The following IL12RB2 variants were observed in gnomAD, a reference collection of about 807,000 sequenced individuals.
IL12RB2 encodes interleukin-12 receptor subunit beta-2.
A neutral mutation model predicts 89.4 loss-of-function variants in IL12RB2; 82 were observed. That is an observed-to-expected ratio of 0.92 (90% CI 0.77 to 1.10). The LOEUF (loss-of-function observed/expected upper bound fraction) is 1.10. Among genes scored for constraint, IL12RB2 ranks in the 50% least tolerant of loss-of-function variants. The pLI is 0.00. For synonymous variants in IL12RB2, 368 were observed against 370.1 expected, an observed-to-expected ratio of 0.99 and a Z score of 0.07; for missense variants, 963 against 1,031.9, an observed-to-expected ratio of 0.93 and a Z score of 0.92.
chr1:67,368,541 A>G (rs1294916598), intron 11 of IL12RB2, among the ~76,000 whole-genome samples: 4 of 152,254 alleles, frequency 2.6e-5, no homozygotes, highest in Non-Finnish European at 5.9e-5. Context: ...TATCTATAAG[A>G]CAATTGGTAT....
intron 11 of IL12RB2, among the ~76,000 whole-genome samples, chr1:67,370,875 G>A (rs1570105936): frequency 6.6e-6 from 1 of 152,170 alleles, no homozygotes; most frequent in African/African-American, 2.4e-5. Context: ...TCTCTCCTCC[G>A]CTAAAGGTAA....
At chr1:67,312,594 T>A (rs755826) in intron 1 of IL12RB2, among the ~76,000 whole-genome samples, 2 of 101,398 alleles carry the variant, frequency 2.0e-5, no homozygotes, top group South Asian at 3.2e-4. Context: ...AAAATGGAAA[T>A]AAAGACAAAC....
At chr1:67,368,648 G>A (rs933853684) in intron 11 of IL12RB2, among the ~76,000 whole-genome samples, 18 of 152,216 alleles carry the variant, frequency 1.2e-4, no homozygotes, top group African/African-American at 4.1e-4. Flanking sequence ...CTTAGTTAAT[G>A]TCATTGTTAA....
intron 13 of IL12RB2, among the ~76,000 whole-genome samples, chr1:67,374,361 TG>T (rs779417843): frequency 1.1e-4 from 16 of 152,222 alleles, no homozygotes; most frequent in Non-Finnish European, 2.4e-4. Context: ...AGGAATCAAT[TG>T]ATCTCTTCTT....
rs1228288259 is a variant in IL12RB2 at position 67,321,996 on chromosome 1, T to G, written c.364+107T>G. ...CCCAAATACAGGTTAATGTTCTTTC[T>G]TTTCCCACCACATTGAAGTATTTTA... On this transcript the variant is annotated intron_variant, in intron 4 of 16. Coordinates refer to ENST00000674203, the MANE Select transcript of IL12RB2 (RefSeq NM_001374259.2). The G allele has an allele frequency of 5.2e-6, 5 of 953,586 alleles. No homozygotes were observed. The East Asian group carries it at 1.2e-4, about 23-fold the overall frequency. 59.1% of individuals were successfully genotyped at this position (953,586 alleles called of 1,614,324 possible).
chr1:67,362,200 G>GGCAGAGGTTGCAGTGA (rs1662132705), intron 10 of IL12RB2, among the ~76,000 whole-genome samples: 1 of 151,358 alleles, frequency 6.6e-6, no homozygotes, highest in African/African-American at 2.4e-5. Flanking sequence ...AAACCTGGGA[G>GGCAGAGGTTGCAGTGA]GCAGAGGTTG....
intron 10 of IL12RB2, among the ~76,000 whole-genome samples, chr1:67,366,581 A>T (rs1257882824): frequency 6.6e-6 from 1 of 152,194 alleles, no homozygotes; most frequent in Non-Finnish European, 1.5e-5. Context: ...TTGGTGGAGA[A>T]ATGAGAGCCT....
At chr1:67,343,430 G>A (rs974415505) in intron 9 of IL12RB2, among the ~76,000 whole-genome samples, 2 of 152,138 alleles carry the variant, frequency 1.3e-5, no homozygotes, top group African/African-American at 4.8e-5. Context: ...AAGCCAAAAA[G>A]TACAGCCTAA....
At chr1:67,338,375 T>TAAAAAAAAAAAAA (rs1659102404) in intron 8 of IL12RB2, among the ~76,000 whole-genome samples, 1 of 61,668 alleles carries the variant, frequency 1.6e-5, no homozygotes, top group Non-Finnish European at 4.2e-5. Context: ...AAAAAAAAAG[T>TAAAAAAAAAAAAA]AAGTTAAGAA....
At chr1:67,378,937 C>T (rs186529361) in intron 13 of IL12RB2, among the ~76,000 whole-genome samples, 9 of 151,306 alleles carry the variant, frequency 5.9e-5, no homozygotes, top group Admixed American at 4.0e-4. Flanking sequence ...GGGGCTCACG[C>T]CTATAATCCC....
At chr1:67,346,239 T>C (rs1660205911) in intron 9 of IL12RB2, among the ~76,000 whole-genome samples, 1 of 152,218 alleles carries the variant, frequency 6.6e-6, no homozygotes, top group South Asian at 2.1e-4. Context: ...TTGTGAAGAT[T>C]AATGAAATCG....
Position 67,367,805 on chromosome 1 carries a change from C to G in IL12RB2, c.1259-20C>G. The G allele has an allele frequency of 7.4e-7, 1 of 1,360,296 alleles. No individual in the cohort carries two copies. Among genetic ancestry groups the G allele is most frequent in the Non-Finnish European group, 1.1e-6 (1 of 950,070 alleles). 84.3% of individuals were successfully genotyped at this position (1,360,296 alleles called of 1,614,324 possible). A position where few individuals can be genotyped will look rare whatever the true frequency, so the allele number is the denominator to read the frequency against. ...CCTCCTCTTTTTTTATTTTGTTTCTCCTCTTTCTGTCCGATAAAGGGTTGC... is the reference window on the plus strand; with the variant it reads ...CCTCCTCTTTTTTTATTTTGTTTCTGCTCTTTCTGTCCGATAAAGGGTTGC... On this transcript the variant is annotated intron_variant, in intron 10 of 16. Transcript: ENST00000674203.
At chr1:67,380,153 C>T (rs765631446) in intron 14 of IL12RB2, 30 bp downstream of exon 14, 1 of 1,611,994 alleles carries the variant, frequency 6.2e-7, no homozygotes, top group East Asian at 2.2e-5. Flanking sequence ...ATGATGAGTC[C>T]ACCCTGGATT....
chr1:67,317,333 A>AACATTTTAACAGTGACTCACAAGAAAC (rs1655907857), intron 2 of IL12RB2, among the ~76,000 whole-genome samples: 1 of 152,240 alleles, frequency 6.6e-6, no homozygotes, highest in Admixed American at 6.5e-5. Context: ...GTGCTTCTCA[A>AACATTTTAACAGTGACTCACAAGAAAC]ACATTTTAAC....
At chr1:67,387,714 A>G (rs906119461) in intron 15 of IL12RB2, among the ~76,000 whole-genome samples, 11 of 151,648 alleles carry the variant, frequency 7.3e-5, no homozygotes, top group Middle Eastern at 3.2e-3. Context: ...AAAAAAAAAA[A>G]AAAGAAAGAA....
At chr1:67,360,470 C>T (rs980024941) in intron 10 of IL12RB2, among the ~76,000 whole-genome samples, 1 of 151,496 alleles carries the variant, frequency 6.6e-6, no homozygotes, top group African/African-American at 2.4e-5. Context: ...ATGTTTCTCT[C>T]AGTGGGAGGG....
At chr1:67,327,975 G>C (rs1311971919) in intron 5 of IL12RB2, among the ~76,000 whole-genome samples, 4 of 152,212 alleles carry the variant, frequency 2.6e-5, no homozygotes, top group Admixed American at 2.6e-4. Flanking sequence ...CTATCTACAT[G>C]AATGTGGAAG....
intron 14 of IL12RB2, among the ~76,000 whole-genome samples, chr1:67,384,588 T>C (rs1036755921): frequency 6.6e-6 from 1 of 152,260 alleles, no homozygotes; most frequent in Non-Finnish European, 1.5e-5. Context: ...TGCAGCCAGC[T>C]TGACTTTCTC....
In IL12RB2 at chr1:67,395,908, C is replaced by T; in HGVS notation, c.2408C>T (p.Ser803Phe). ...CCCACCCATGATGGCTACTTACCCT[C>T]CAACATAGATGACCTCCCCTCACAT... is the stretch of plus-strand genomic sequence containing the variant. ...DLPTHDGYLP[S>F]NIDDLPSHEA... The change falls in exon 17 of 17, where the codon TCC becomes TTC. Residue 803 changes from serine (S) to phenylalanine (F), a missense_variant. Physicochemically the swap from Ser to Phe is radical, Grantham distance 155. Transcript: ENST00000674203. The T allele has an allele frequency of 2.5e-6, 4 of 1,611,408 alleles. No individual in the cohort carries two copies. The highest frequency in any genetic ancestry group is 2.2e-5 in the East Asian group (1 of 44,866).
Sources: allele counts gnomAD v4.1 joint callset (sites outside exome capture counted in the v4.1 genomes callset), GRCh38; gene constraint gnomAD v4.1.1; transcripts MANE v1.5; gene names NCBI Gene and HGNC (gene_info 2026-07-23, HGNC 2026-07-21).